Variants in RMDN2 observed in about 807,000 individuals in gnomAD.
The protein encoded by RMDN2 is regulator of microtubule dynamics 2.
Under a neutral mutation model 52.8 loss-of-function variants are expected in RMDN2, and 61 were observed. The ratio of observed to expected loss-of-function variants is 1.16; its 90% CI spans 0.94 to 1.43. The LOEUF is 1.43. Among genes scored for constraint, RMDN2 ranks in the 40% most tolerant of loss-of-function variants. The pLI is 0.00. For synonymous variants in RMDN2, 180 were observed against 153.1 expected, an observed-to-expected ratio of 1.18 and a Z score of -1.30; for missense variants, 592 against 475.3, an observed-to-expected ratio of 1.25 and a Z score of -2.28.
intron 10 of RMDN2, among the ~76,000 whole-genome samples, chr2:38,042,395 TC>T (rs1243452527): frequency 1.7e-5 from 2 of 117,194 alleles, no homozygotes; most frequent in Non-Finnish European, 3.2e-5. Context: ...TTCCAAAACC[TC>T]CCCCCGCCAC....
chr2:38,017,589 CA>C lies in RMDN2; in HGVS notation c.*354del. 1 of 1,223,850 alleles carries C rather than the reference CA, an allele frequency of 8.2e-7. No individual in the cohort carries two copies. The highest frequency in any genetic ancestry group is 1.1e-6 in the Non-Finnish European group (1 of 929,752). 75.8% of individuals were successfully genotyped at this position (1,223,850 alleles called of 1,614,324 possible). ...TTGTTTCAATGGAGACTTCGTAAGA[CA>C]AAATAATTTCATTAATGTGGATGAA... On this transcript the variant is annotated 3_prime_UTR_variant, in exon 11 of 11. Coordinates refer to ENST00000354545, the MANE Select transcript of RMDN2 (RefSeq NM_001170791.3).
intron 10 of RMDN2, among the ~76,000 whole-genome samples, chr2:38,013,043 A>T (rs945524199): frequency 6.6e-6 from 1 of 152,248 alleles, no homozygotes; most frequent in African/African-American, 2.4e-5. Flanking sequence ...AAGCAGCTTT[A>T]CATTCCCAGA....
intron 10 of RMDN2, 55 bp downstream of exon 10, chr2:38,004,271 C>T (rs1676759121): frequency 1.7e-6 from 2 of 1,185,918 alleles, no homozygotes; most frequent in African/African-American, 1.5e-5. Flanking sequence ...TATTCGAGCT[C>T]AAAACAGGAA....
At chr2:38,052,072 T>C (rs1681636178) in intron 10 of RMDN2, among the ~76,000 whole-genome samples, 1 of 152,232 alleles carries the variant, frequency 6.6e-6, no homozygotes, top group South Asian at 2.1e-4. Context: ...GTTCCATTTT[T>C]AGTTTTTTGA....
chr2:38,017,558 ATTT>A lies in RMDN2; in HGVS notation c.*321_*323del. The stretch of plus-strand genomic sequence containing the variant: ...TCCAATAAAATGAATTCTCATGAAT[ATTT>A]TATTGTTTCAATGGAGACTTCGTAA... On this transcript the variant is annotated 3_prime_UTR_variant, in exon 11 of 11. Coordinates refer to ENST00000354545, the MANE Select transcript of RMDN2 (RefSeq NM_001170791.3). 8.4e-7 allele frequency: 1 copy of A among 1,186,386 alleles called. No individual in the cohort carries two copies. Among genetic ancestry groups the A allele is most frequent in the East Asian group, 5.5e-5 (1 of 18,064 alleles). The allele number at this position is 1,186,386 out of a possible 1,614,324, so 73.5% of individuals were successfully genotyped here.
intron 10 of RMDN2, among the ~76,000 whole-genome samples, chr2:38,038,866 C>T (rs1419636674): frequency 6.6e-6 from 1 of 152,054 alleles, no homozygotes; most frequent in East Asian, 1.9e-4. Context: ...CCATCCCATC[C>T]CTGCCCTGAT....
intron 4 of RMDN2, among the ~76,000 whole-genome samples, chr2:37,978,104 C>A (rs1473031303): frequency 6.6e-6 from 1 of 152,176 alleles, no homozygotes; most frequent in South Asian, 2.1e-4. Flanking sequence ...AGATCACTCG[C>A]GATCAGGAGC....
chr2:38,028,539 C>T (rs980851278), intron 10 of RMDN2, among the ~76,000 whole-genome samples: 6 of 152,188 alleles, frequency 3.9e-5, no homozygotes, highest in Non-Finnish European at 8.8e-5. Flanking sequence ...TCACTTCTTG[C>T]TAGTAATGGC....
At chr2:37,978,272 A>C (rs959178953) in intron 4 of RMDN2, among the ~76,000 whole-genome samples, 3 of 135,844 alleles carry the variant, frequency 2.2e-5, no homozygotes, top group Non-Finnish European at 4.6e-5. Flanking sequence ...TGGCGGCAGT[A>C]CAGTCCAGCC....
intron 2 of RMDN2, among the ~76,000 whole-genome samples, chr2:37,931,047 C>A (rs1666699167): frequency 7.8e-6 from 1 of 128,224 alleles, no homozygotes; most frequent in Non-Finnish European, 1.6e-5. Context: ...GTCACAGTTT[C>A]AAATGATTTA....
At chr2:38,046,852 G>T (rs868682876) in intron 10 of RMDN2, among the ~76,000 whole-genome samples, 4 of 151,854 alleles carry the variant, frequency 2.6e-5, no homozygotes, top group Admixed American at 2.0e-4. Context: ...GCCTAGTGGC[G>T]GGTGCCTGTA....
upstream of RMDN2, chr2:37,923,294 G>C (rs777710459): frequency 2.0e-5 from 3 of 152,222 alleles, no homozygotes; most frequent in Non-Finnish European, 4.4e-5. Context: ...AAAGGAGCAA[G>C]TGTGACATAG....
intron 6 of RMDN2, among the ~76,000 whole-genome samples, chr2:37,990,297 T>C (rs890507243): frequency 6.6e-6 from 1 of 151,376 alleles, no homozygotes; most frequent in African/African-American, 2.4e-5. Flanking sequence ...AGCGGGCAGA[T>C]TGCTTGAGGC....
At chr2:37,951,904 G>A in intron 2 of RMDN2, 1 of 1,613,216 alleles carries the variant, frequency 6.2e-7, no homozygotes, top group Non-Finnish European at 8.5e-7. Flanking sequence ...CAACAAAATG[G>A]AATTGCCAAT....
chr2:38,042,135 C>A (rs539356655), intron 10 of RMDN2, among the ~76,000 whole-genome samples: 1 of 152,116 alleles, frequency 6.6e-6, no homozygotes, highest in African/African-American at 2.4e-5. Flanking sequence ...TAAATATAGG[C>A]CTACTTTAAA....
At chr2:37,994,547 A>G (rs1304818050) in intron 7 of RMDN2, among the ~76,000 whole-genome samples, 1 of 152,212 alleles carries the variant, frequency 6.6e-6, no homozygotes, top group African/African-American at 2.4e-5. Flanking sequence ...CATTTCAATT[A>G]CTTAACAAAA....
Position 37,974,197 on chromosome 2 carries a change from C to G in RMDN2, c.610C>G (p.Arg204Gly), listed in dbSNP as rs201237503. 53 of 1,610,772 alleles carry G rather than the reference C, an allele frequency of 3.3e-5. No homozygotes were observed. Among genetic ancestry groups the G allele is most frequent in the Non-Finnish European group, 4.3e-5 (51 of 1,178,654 alleles). Residue 204 changes from arginine to glycine, a missense_variant, in exon 3 of 11, where the codon CGT becomes GGT. Arg to Gly is a moderately radical substitution (Grantham distance 125). Transcript: ENST00000354545. ...SGKSESFELL[R>G]DHKEKFRDEI... ...CAAGTCGGAGAGTTTTGAACTACTT[C>G]GTGACCACAAAGAAAAGGTAAGAGA...
intron 10 of RMDN2, among the ~76,000 whole-genome samples, chr2:38,015,992 G>T (rs1370798409): frequency 2.0e-5 from 3 of 152,194 alleles, no homozygotes; most frequent in Non-Finnish European, 4.4e-5. Flanking sequence ...GTTCTTATAA[G>T]AGGGCAATTG....
intron 10 of RMDN2, among the ~76,000 whole-genome samples, chr2:38,009,399 T>A (rs1236225833): frequency 3.3e-5 from 5 of 152,180 alleles, no homozygotes; most frequent in African/African-American, 1.2e-4. Context: ...CTTGGAGGCT[T>A]TGTTCGTTTC....
Sources: allele counts gnomAD v4.1 joint callset (sites outside exome capture counted in the v4.1 genomes callset), GRCh38; gene constraint gnomAD v4.1.1; transcripts MANE v1.5; gene names NCBI Gene and HGNC (gene_info 2026-07-23, HGNC 2026-07-21).